CNTN3: variants seen among roughly 807,000 people sequenced by gnomAD.
CNTN3 encodes the protein contactin-3.
A neutral mutation model predicts 119.1 loss-of-function variants in CNTN3; 60 were observed. The ratio of observed to expected loss-of-function variants is 0.50; its 90% CI spans 0.41 to 0.62. The LOEUF (loss-of-function observed/expected upper bound fraction) is 0.62. CNTN3 is among the 20% of genes least tolerant of loss of function. CNTN3 has a pLI of 0.00. For synonymous variants in CNTN3, 450 were observed against 438.7 expected (o/e 1.03, Z -0.32); for missense variants, 1,101 against 1,242.4 (o/e 0.89, Z 1.71).
intron 11 of CNTN3, among the ~76,000 whole-genome samples, chr3:74,361,233 T>C (rs1239433683): frequency 6.6e-6 from 1 of 152,218 alleles, no homozygotes; most frequent in Non-Finnish European, 1.5e-5. Context: ...AATATTTATG[T>C]ACTTCATCCA....
intron 5 of CNTN3, among the ~76,000 whole-genome samples, chr3:74,384,539 T>C (rs757573624): frequency 3.3e-5 from 5 of 152,240 alleles, no homozygotes; most frequent in Non-Finnish European, 7.3e-5. Context: ...TATTGAACTT[T>C]ATTTCTTCAA....
At chr3:74,543,059 T>A (rs1258748120) in intron 1 of CNTN3, among the ~76,000 whole-genome samples, 1 of 151,992 alleles carries the variant, frequency 6.6e-6, no homozygotes, top group African/African-American at 2.4e-5. Context: ...ACTCATGAGT[T>A]CAAAGCTGCA....
intron 4 of CNTN3, among the ~76,000 whole-genome samples, chr3:74,454,137 T>C (rs1702216484): frequency 8.0e-6 from 1 of 125,234 alleles, no homozygotes; most frequent in Non-Finnish European, 1.7e-5. Flanking sequence ...TATTAATGTG[T>C]GGGAGTCTAA....
intron 14 of CNTN3, 52 bp from the exon 15 acceptor site, chr3:74,301,857 C>T (rs749560099): frequency 3.9e-5 from 61 of 1,575,586 alleles, no homozygotes; most frequent in African/African-American, 1.1e-4. Flanking sequence ...AAATGTCATC[C>T]TCTCCTATCA....
intron 4 of CNTN3, among the ~76,000 whole-genome samples, chr3:74,475,228 A>T (rs1183228579): frequency 6.6e-6 from 1 of 152,230 alleles, no homozygotes; most frequent in Non-Finnish European, 1.5e-5. Flanking sequence ...AATAAAAAGG[A>T]GTTCAAGAAA....
intron 5 of CNTN3, among the ~76,000 whole-genome samples, chr3:74,373,137 T>A (rs933573260): frequency 1.3e-5 from 2 of 152,198 alleles, no homozygotes; most frequent in Non-Finnish European, 2.9e-5. Context: ...AAGTCACTTA[T>A]CGGGTTGTAT....
chr3:74,506,830 C>T (rs9865463), intron 2 of CNTN3, among the ~76,000 whole-genome samples: 14,705 of 151,800 alleles, frequency 0.097, 987 homozygotes, highest in East Asian at 0.29. Context: ...TCTCACTCAC[C>T]ACATGAAAAG....
chr3:74,607,090 G>A (rs1353885651), intron 1 of CNTN3, among the ~76,000 whole-genome samples: 2 of 152,134 alleles, frequency 1.3e-5, no homozygotes, highest in African/African-American at 4.8e-5. Context: ...GCCCTAGTAA[G>A]AAGAGAAAAA....
At chr3:74,536,389 A>G (rs906989012) in intron 1 of CNTN3, among the ~76,000 whole-genome samples, 2 of 152,148 alleles carry the variant, frequency 1.3e-5, no homozygotes, top group African/African-American at 4.8e-5. Context: ...GAAAAGTTTG[A>G]GGACCTTAAT....
intron 4 of CNTN3, among the ~76,000 whole-genome samples, chr3:74,472,668 C>T (rs1018236250): frequency 6.6e-6 from 1 of 152,130 alleles, no homozygotes; most frequent in Non-Finnish European, 1.5e-5. Context: ...GGTTGAAAAG[C>T]ATTGTGCTTG....
intron 1 of CNTN3, among the ~76,000 whole-genome samples, chr3:74,582,696 A>G (rs1704532213): frequency 6.6e-6 from 1 of 152,158 alleles, no homozygotes; most frequent in African/African-American, 2.4e-5. Flanking sequence ...TAGCAAAGAA[A>G]GTAGTAACAG....
intron 1 of CNTN3, among the ~76,000 whole-genome samples, chr3:74,548,024 T>C (rs1037845447): frequency 1.3e-5 from 2 of 152,158 alleles, no homozygotes; most frequent in Non-Finnish European, 2.9e-5. Flanking sequence ...ACCACTTGCA[T>C]CAGTGCTACT....
intron 13 of CNTN3, among the ~76,000 whole-genome samples, chr3:74,310,706 A>G (rs1278035024): frequency 1.3e-5 from 2 of 152,218 alleles, no homozygotes; most frequent in African/African-American, 4.8e-5. Context: ...ATTGGTCAAG[A>G]CATTCACAAA....
At position 74,593,432 on chromosome 3, in the gene CNTN3, T is replaced by G. The variant is rs191554462; in HGVS notation, c.-81+20959A>C. Among the ~76,000 whole-genome samples, 49 of 152,124 alleles carry G rather than the reference T, an allele frequency of 3.2e-4. No individual in the cohort carries two copies. In the East Asian group the frequency reaches 6.8e-3, roughly 21 times the overall value. On this transcript the variant is annotated intron_variant, in intron 1 of 22. Coordinates refer to ENST00000263665, the MANE Select transcript of CNTN3 (RefSeq NM_020872.3). ...TGATAGAAGACAACTTCGTGTGACT[T>G]TAAATTTCCAAAAATATAAAAATGT... is the stretch of plus-strand genomic sequence containing the variant.
intron 1 of CNTN3, among the ~76,000 whole-genome samples, chr3:74,561,223 A>C (rs548991804): frequency 2.1e-4 from 32 of 151,998 alleles, no homozygotes; most frequent in Middle Eastern, 3.4e-3. Context: ...TAAAAAAAAA[A>C]CTGACAGTTA....
intron 11 of CNTN3, among the ~76,000 whole-genome samples, chr3:74,347,981 G>A (rs1001177502): frequency 6.6e-6 from 1 of 152,180 alleles, no homozygotes; most frequent in Non-Finnish European, 1.5e-5. Context: ...TATGTGGAAT[G>A]TTTTACAGTT....
At chr3:74,513,263 G>A (rs998981123) in intron 2 of CNTN3, among the ~76,000 whole-genome samples, 1 of 152,122 alleles carries the variant, frequency 6.6e-6, no homozygotes, top group Non-Finnish European at 1.5e-5. Flanking sequence ...AATCGTACCA[G>A]TGCTTCCATG....
At chr3:74,300,493 C>T (rs545509023) in intron 16 of CNTN3, among the ~76,000 whole-genome samples, 1 of 152,300 alleles carries the variant, frequency 6.6e-6, no homozygotes, top group African/African-American at 2.4e-5. Flanking sequence ...GGTATGGTCA[C>T]AGCTGTACTT....
rs1299741786 is a variant in CNTN3, at chr3:74,450,517, T to A, written c.359-25577A>T. Among the ~76,000 whole-genome samples, 1,111 of 145,960 alleles carry A rather than the reference T, an allele frequency of 7.6e-3. 20 individuals carry two copies. Among genetic ancestry groups the A allele is most frequent in the African/African-American group, 0.027 (1,060 of 39,860 alleles). On this transcript the variant is annotated intron_variant, in intron 4 of 22. Transcript: ENST00000263665. ...CTGAAGCCCTGTTTTTTTTTTTTTT[T>A]AATTATTATTATACTTTAAGTTTTA... is the stretch of plus-strand genomic sequence containing the variant.
Sources: gnomAD v4.1 joint callset for allele counts (sites outside exome capture counted in the v4.1 genomes callset) on GRCh38, gnomAD v4.1.1 for gene constraint, MANE v1.5 for transcripts, NCBI Gene and HGNC (gene_info 2026-07-23, HGNC 2026-07-21) for gene names.